The following PCDHGB4 variants were observed in gnomAD, a reference collection of about 807,000 sequenced individuals.
PCDHGB4 encodes the protein protocadherin gamma-B4.
PCDHGB4 carries 38 observed loss-of-function variants against 60.5 expected under a neutral mutation model. That is an observed-to-expected ratio of 0.63 (90% CI 0.48 to 0.82). The LOEUF is 0.82. PCDHGB4 is among the 40% of genes least tolerant of loss of function. PCDHGB4 has a pLI of 0.00. For synonymous variants in PCDHGB4, 456 were observed against 509.7 expected, an observed-to-expected ratio of 0.89 and a Z score of 1.42; for missense variants, 1,109 against 1,209.6, an observed-to-expected ratio of 0.92 and a Z score of 1.23.
intron 1 of PCDHGB4, chr5:141,478,453 C>T: frequency 6.2e-7 from 1 of 1,613,594 alleles, no homozygotes; most frequent in Non-Finnish European, 8.5e-7. Context: ...CTGGTGCAGC[C>T]AGTCCACTGG....
chr5:141,476,766 T>C lies in PCDHGB4; in HGVS notation c.2398-18041T>C. ...AGTCTCCAGTTAGTGCTGACGGCGT[T>C]GGACGGAGGGACCCCAGCTCTCTCC... On this transcript the variant is annotated intron_variant, in intron 1 of 3. Coordinates refer to ENST00000519479, the MANE Select transcript of PCDHGB4 (RefSeq NM_003736.4). This position sits in a 1 kb window ranked among gnomAD's most constrained non-coding sequence, Gnocchi z 7.6. The C allele has an allele frequency of 1.9e-6, 3 of 1,613,626 alleles. No individual in the cohort carries two copies. The highest frequency in any genetic ancestry group is 2.5e-6 in the Non-Finnish European group (3 of 1,179,952).
intron 1 of PCDHGB4, chr5:141,404,536 G>A: frequency 6.2e-7 from 1 of 1,613,922 alleles, no homozygotes; most frequent in Non-Finnish European, 8.5e-7. Flanking sequence ...TTAGAGATTT[G>A]CAAATGCAGG....
At chr5:141,465,979 G>C (rs779605313) in intron 1 of PCDHGB4, among the ~76,000 whole-genome samples, 26 of 151,846 alleles carry the variant, frequency 1.7e-4, no homozygotes, top group Non-Finnish European at 3.8e-4. Flanking sequence ...AAAATTAGCC[G>C]GGCATGGTGG....
chr5:141,438,591 C>CATATATATATAT (rs946798767), intron 1 of PCDHGB4, among the ~76,000 whole-genome samples: 3 of 75,560 alleles, frequency 4.0e-5, no homozygotes, highest in Non-Finnish European at 5.4e-5. Flanking sequence ...TACATACATA[C>CATATATATATAT]ATATATATAT....
In PCDHGB4 at chr5:141,388,619, C is replaced by A. The variant is rs369637121; in HGVS notation, c.735C>A (p.Asp245Glu). The stretch of plus-strand genomic sequence containing the variant: ...ATAATGCTCCAGTGTTCAGTCAAGA[C>A]GTATACAGGGTGAGCCTTTCAGAAA... The part of the protein sequence containing the change: ...ANDNAPVFSQ[D>E]VYRVSLSENV... The change falls in exon 1 of 4, where the codon GAC becomes GAA. Residue 245 changes from aspartate to glutamate, a missense_variant. Transcript: ENST00000519479. 1 of 1,613,852 alleles carries A rather than the reference C, an allele frequency of 6.2e-7. No homozygotes were observed. Among genetic ancestry groups the A allele is most frequent in the Admixed American group, 1.7e-5 (1 of 60,022 alleles).
chr5:141,432,665 G>A lies in PCDHGB4; in HGVS notation c.2397+42384G>A. 1 of 1,613,896 alleles carries A rather than the reference G, an allele frequency of 6.2e-7. No individual in the cohort carries two copies. Among genetic ancestry groups the A allele is most frequent in the Non-Finnish European group, 8.5e-7 (1 of 1,179,956 alleles). On this transcript the variant is annotated intron_variant, in intron 1 of 3. Coordinates refer to ENST00000519479, the MANE Select transcript of PCDHGB4 (RefSeq NM_003736.4). The surrounding 1 kb of genome is among the most constrained non-coding windows in gnomAD (Gnocchi z 6.0). ...CACGGCGCGAGCCCTGCTGGACAGA[G>A]ACGCGCTCAAGCAGAGCCTCGTAGT... is the stretch of plus-strand genomic sequence containing the variant.
chr5:141,408,568 G>A (rs1282391205), intron 1 of PCDHGB4: 2 of 1,613,936 alleles, frequency 1.2e-6, no homozygotes, highest in African/African-American at 2.7e-5. Flanking sequence ...TCATTGTGGT[G>A]ATTGAGGATG....
chr5:141,464,824 G>A (rs1329087889), intron 1 of PCDHGB4, among the ~76,000 whole-genome samples: 2 of 151,816 alleles, frequency 1.3e-5, no homozygotes, highest in African/African-American at 2.4e-5. Context: ...CTGTAGCCTC[G>A]CACTCCTGGG....
chr5:141,489,447 G>A lies in PCDHGB4; in HGVS notation c.2398-5360G>A. The A allele has an allele frequency of 5.6e-6, 9 of 1,614,134 alleles. No homozygotes were observed. The highest frequency in any genetic ancestry group is 7.6e-6 in the Non-Finnish European group (9 of 1,180,028). ...GCCGGCGGCTGCAATTGGGCTCTGA[G>A]GAGAATGGGCGCTATTTTTCCCTGA... On this transcript the variant is annotated intron_variant, in intron 1 of 3. Coordinates refer to ENST00000519479, the MANE Select transcript of PCDHGB4 (RefSeq NM_003736.4). This position sits in a 1 kb window ranked among gnomAD's most constrained non-coding sequence, Gnocchi z 4.5.
Position 141,494,815 on chromosome 5 carries a change from G to A in PCDHGB4, c.2406G>A (p.Pro802=), listed in dbSNP as rs765344906. 1 of 1,613,976 alleles carries A rather than the reference G, an allele frequency of 6.2e-7. No homozygotes were observed. Among genetic ancestry groups the A allele is most frequent in the South Asian group, 1.1e-5 (1 of 91,072 alleles). ...SSELTSHQQA[P]PNTDWRFSQA... The stretch of plus-strand genomic sequence containing the variant: ...CTCTGTTTTCTCCACAGCAAGCCCC[G>A]CCCAACACGGACTGGCGTTTCTCTC... The change falls in exon 2 of 4, where the codon CCG becomes CCA. Residue 802 remains proline, a synonymous_variant. Transcript: ENST00000519479.
chr5:141,401,281 G>C (rs2094135967), intron 1 of PCDHGB4, among the ~76,000 whole-genome samples: 1 of 152,200 alleles, frequency 6.6e-6, no homozygotes, highest in Non-Finnish European at 1.5e-5. Context: ...GGTGGAGGTT[G>C]CGGTGAGCCG....
chr5:141,430,365 G>GA lies in PCDHGB4; in HGVS notation c.2397+40092dup, dbSNP rs202146484. Among the ~76,000 whole-genome samples, 583 of 147,736 alleles carry GA rather than the reference G, an allele frequency of 3.9e-3. 6 individuals are homozygous for GA. The highest frequency in any genetic ancestry group is 0.011 in the Admixed American group (169 of 14,894). On this transcript the variant is annotated intron_variant, in intron 1 of 3. Coordinates refer to ENST00000519479, the MANE Select transcript of PCDHGB4 (RefSeq NM_003736.4). ...CCAATTCATTTAAAAGCTCATTGGG[G>GA]AAAAAAAAGCTCATTGGGAAAAAAA...
chr5:141,406,079 T>C (rs570702423), intron 1 of PCDHGB4, among the ~76,000 whole-genome samples: 2 of 151,808 alleles, frequency 1.3e-5, no homozygotes, highest in South Asian at 2.1e-4. Context: ...CTCCTTTTTT[T>C]TTTTTTTTAA....
At chr5:141,421,508 A>C in intron 1 of PCDHGB4, 1 of 1,614,046 alleles carries the variant, frequency 6.2e-7, no homozygotes, top group Non-Finnish European at 8.5e-7. Context: ...ATAGACCGGG[A>C]GGAGCTCTGT....
intron 1 of PCDHGB4, among the ~76,000 whole-genome samples, chr5:141,464,221 C>T (rs570804761): frequency 2.9e-4 from 44 of 149,624 alleles, no homozygotes; most frequent in African/African-American, 9.6e-4. Flanking sequence ...GCTGAGATTG[C>T]GCCACTGCAC....
chr5:141,423,762 G>GT, intron 1 of PCDHGB4: 1 of 264,254 alleles, frequency 3.8e-6, no homozygotes, highest in Non-Finnish European at 5.6e-6. Context: ...GGGGGGGGGT[G>GT]GGGCGGCATA....
chr5:141,469,104 C>T (rs1046234848), intron 1 of PCDHGB4, among the ~76,000 whole-genome samples: 1 of 151,760 alleles, frequency 6.6e-6, no homozygotes, highest in Admixed American at 6.6e-5. Flanking sequence ...AAGCAAGAAC[C>T]TGTCTCTAAA....
chr5:141,487,442 G>A lies in PCDHGB4; in HGVS notation c.2398-7365G>A, dbSNP rs749842864. 1 of 1,613,918 alleles carries A rather than the reference G, an allele frequency of 6.2e-7. No homozygotes were observed. Among genetic ancestry groups the A allele is most frequent in the Non-Finnish European group, 8.5e-7 (1 of 1,179,798 alleles). On this transcript the variant is annotated intron_variant, in intron 1 of 3. Coordinates refer to ENST00000519479, the MANE Select transcript of PCDHGB4 (RefSeq NM_003736.4). The surrounding 1 kb of genome is among the most constrained non-coding windows in gnomAD (Gnocchi z 5.0). ...GATCCTCCGAATCCAGCTAGGGTCA[G>A]ATGACCCTATCAAGTTTGTTGATGT...
chr5:141,484,603 G>T (rs1460433183), intron 1 of PCDHGB4, among the ~76,000 whole-genome samples: 1 of 152,008 alleles, frequency 6.6e-6, no homozygotes, highest in Non-Finnish European at 1.5e-5. Context: ...TAGAATACTG[G>T]TTGATGACAA....
Sources: gnomAD v4.1 joint callset for allele counts (sites outside exome capture counted in the v4.1 genomes callset) on GRCh38, gnomAD v4.1.1 for gene constraint, Gnocchi (gnomAD v3.1) non-coding constraint, MANE v1.5 for transcripts, NCBI Gene and HGNC (gene_info 2026-07-23, HGNC 2026-07-21) for gene names.